CLASP2: variants seen among roughly 807,000 people sequenced by gnomAD.
CLASP2 encodes cytoplasmic linker associated protein 2, also known as CLIP-associating protein 2.
Under a neutral mutation model 194.4 loss-of-function variants are expected in CLASP2, and 47 were observed. The ratio of observed to expected loss-of-function variants is 0.24; its 90% CI spans 0.19 to 0.31. CLASP2 has a LOEUF of 0.31. CLASP2 is among the 10% of genes least tolerant of loss of function. CLASP2 has a pLI of 1.00. For missense variants in CLASP2, 1,445 were observed against 1,823.6 expected (o/e 0.79, Z 3.78); for synonymous variants, 619 against 633.5 (o/e 0.98, Z 0.34).
chr3:33,596,250 G>A (rs969141430), intron 19 of CLASP2, among the ~76,000 whole-genome samples: 5 of 151,934 alleles, frequency 3.3e-5, no homozygotes, highest in Non-Finnish European at 5.9e-5. Flanking sequence ...AGTTTACAAC[G>A]CACTCTTAAA....
intron 30 of CLASP2, among the ~76,000 whole-genome samples, chr3:33,549,705 A>G: frequency 6.6e-6 from 1 of 151,930 alleles, no homozygotes; most frequent in Non-Finnish European, 1.5e-5. Flanking sequence ...ACTGGAAATA[A>G]AGATCACAAA....
At position 33,551,469 on chromosome 3, in the gene CLASP2, A is replaced by G. The variant is rs571326956; in HGVS notation, c.3010-74T>C. 3.5e-6 allele frequency: 5 copies of G among 1,447,822 alleles called. No individual in the cohort carries two copies. The African/African-American group carries it at 7.1e-5, about 21-fold the overall frequency. The allele number at this position is 1,447,822 out of a possible 1,614,324, so 89.7% of individuals were successfully genotyped here. On this transcript the variant is annotated intron_variant, in intron 29 of 38. Coordinates refer to ENST00000682230, the MANE Select transcript of CLASP2 (RefSeq NM_001365631.1). ...GACACTAGAGAACATTTCAAAAATA[A>G]TCAGGTGATGATGATGATTTTTTTT...
At position 33,534,869 on chromosome 3, in the gene CLASP2, T is replaced by C. The variant is rs1048428247; in HGVS notation, c.3787+364A>G. 2.6e-5 allele frequency among the ~76,000 whole-genome samples: 4 copies of C among 152,228 alleles called. No individual in the cohort carries two copies. In the East Asian group the frequency reaches 5.8e-4, roughly 22 times the overall value. On this transcript the variant is annotated intron_variant, in intron 34 of 38. Coordinates refer to ENST00000682230, the MANE Select transcript of CLASP2 (RefSeq NM_001365631.1). ...GTTTATGACTTCATGCTTAAAGGGC[T>C]ACTATAAAGAATGGGTATTTCTTCA...
At chr3:33,609,111 C>G (rs2154263202) in intron 13 of CLASP2, among the ~76,000 whole-genome samples, 1 of 151,974 alleles carries the variant, frequency 6.6e-6, no homozygotes, top group South Asian at 2.1e-4. Flanking sequence ...GAAGCTCTGT[C>G]TCTATTAAAA....
chr3:33,672,787 T>C (rs986265185), intron 6 of CLASP2, among the ~76,000 whole-genome samples: 1 of 151,996 alleles, frequency 6.6e-6, no homozygotes, highest in African/African-American at 2.4e-5. Flanking sequence ...GAGAACTACA[T>C]GAAAAATGCA....
At chr3:33,665,319 G>A (rs113006809) in intron 6 of CLASP2, among the ~76,000 whole-genome samples, 2 of 152,090 alleles carry the variant, frequency 1.3e-5, no homozygotes, top group African/African-American at 4.8e-5. Flanking sequence ...AGCAGCTTTA[G>A]TGGAAGAGGG....
At chr3:33,711,821 T>C (rs1370355111) in intron 1 of CLASP2, among the ~76,000 whole-genome samples, 1 of 151,956 alleles carries the variant, frequency 6.6e-6, no homozygotes, top group Admixed American at 6.6e-5. Context: ...AAAACCACAA[T>C]GAGATACCAC....
chr3:33,573,342 G>A lies in CLASP2; in HGVS notation c.2467C>T (p.Arg823Ter). 1 of 1,613,518 alleles carries A rather than the reference G, an allele frequency of 6.2e-7. No homozygotes were observed. Among genetic ancestry groups the A allele is most frequent in the Non-Finnish European group, 8.5e-7 (1 of 1,179,688 alleles). The change falls in exon 25 of 39, where the codon CGA becomes TGA. Residue 823 changes from arginine to a stop codon, truncating the protein, a stop_gained. Coordinates refer to ENST00000682230, the MANE Select transcript of CLASP2 (RefSeq NM_001365631.1). LOFTEE classifies it high-confidence loss of function. ...AVADALKKPARRRYESYGMHS... is the reference protein window; with the variant it reads ...AVADALKKPA ...ATTCCATATGATTCATATCTTCTTC[G>A]AGCTGGTTTTTTCTGTTATACATCA...
chr3:33,656,410 T>C (rs2084223585), intron 7 of CLASP2, among the ~76,000 whole-genome samples: 1 of 152,172 alleles, frequency 6.6e-6, no homozygotes, highest in Non-Finnish European at 1.5e-5. Flanking sequence ...AGGTGATCAA[T>C]CTTATCAGAA....
chr3:33,630,897 T>C (rs1318325543), intron 9 of CLASP2, among the ~76,000 whole-genome samples: 2 of 152,218 alleles, frequency 1.3e-5, no homozygotes, highest in African/African-American at 2.4e-5. Context: ...ATCTTTCCCT[T>C]ATATGAAAGC....
At chr3:33,577,139 A>C (rs1039161076) in intron 23 of CLASP2, 9 of 1,171,374 alleles carry the variant, frequency 7.7e-6, no homozygotes, top group African/African-American at 1.5e-5. Flanking sequence ...ATTTAATGGA[A>C]ACTGAAAAGG....
intron 37 of CLASP2, chr3:33,503,338 T>C (rs1459748346): frequency 1.3e-5 from 2 of 152,164 alleles, no homozygotes; most frequent in African/African-American, 4.8e-5. Flanking sequence ...TGTATAACTA[T>C]TTAAATATTT....
chr3:33,632,638 A>G (rs1476590216), intron 8 of CLASP2, among the ~76,000 whole-genome samples: 1 of 152,212 alleles, frequency 6.6e-6, no homozygotes, highest in African/African-American at 2.4e-5. Flanking sequence ...CTCCCTATTC[A>G]ATGCACTAGC....
chr3:33,621,816 T>C (rs1460875545), intron 11 of CLASP2, among the ~76,000 whole-genome samples: 2 of 152,146 alleles, frequency 1.3e-5, no homozygotes, highest in African/African-American at 4.8e-5. Flanking sequence ...ATACCCAAAT[T>C]AGTAGTGAGA....
rs2054128972 is a variant in CLASP2 at position 33,524,989 on chromosome 3, C to T, written c.3788-7815G>A. Reference sequence around the variant, plus strand: ...CTACATCCAACAGACATATATGGTGCACACAGGACATTTTCCAATATAGGT... The same window carrying T: ...CTACATCCAACAGACATATATGGTGTACACAGGACATTTTCCAATATAGGT... On this transcript the variant is annotated intron_variant, in intron 34 of 38. Transcript: ENST00000682230. Among the ~76,000 whole-genome samples, 4 of 152,250 alleles carry T rather than the reference C, an allele frequency of 2.6e-5. 1 individual carries two copies. In the South Asian group the frequency reaches 8.3e-4, roughly 32 times the overall value.
intron 34 of CLASP2, among the ~76,000 whole-genome samples, chr3:33,528,822 GA>G (rs2055353303): frequency 6.6e-6 from 1 of 151,908 alleles, no homozygotes; most frequent in Admixed American, 6.6e-5. Context: ...AAGAAAGAGA[GA>G]AAGAAAGAGA....
chr3:33,706,939 TAGGCAACAAAGAGAGAG>T (rs2092714017), intron 1 of CLASP2, among the ~76,000 whole-genome samples: 3 of 152,070 alleles, frequency 2.0e-5, no homozygotes, highest in Admixed American at 6.6e-5. Flanking sequence ...CACTCCAGAC[TAGGCAACAAAGAGAGAG>T]AGAGACCCTG....
At chr3:33,534,428 C>A (rs1353535409) in intron 34 of CLASP2, among the ~76,000 whole-genome samples, 1 of 151,736 alleles carries the variant, frequency 6.6e-6, no homozygotes, top group African/African-American at 2.4e-5. Flanking sequence ...GTAAAATTAG[C>A]TGAGTATGGT....
intron 6 of CLASP2, among the ~76,000 whole-genome samples, 159 bp from the exon 7 acceptor site, chr3:33,663,674 C>G (rs530980870): frequency 2.0e-5 from 3 of 152,126 alleles, no homozygotes; most frequent in Non-Finnish European, 1.5e-5. Flanking sequence ...AAAGAAGACA[C>G]AAAACCCATC....
Sources: allele counts gnomAD v4.1 joint callset (sites outside exome capture counted in the v4.1 genomes callset), GRCh38; gene constraint gnomAD v4.1.1; transcripts MANE v1.5; gene names NCBI Gene and HGNC (gene_info 2026-07-23, HGNC 2026-07-21).